ADGRV1: variants seen among roughly 807,000 people sequenced by gnomAD.
ADGRV1 encodes G-protein coupled receptor 98.
A neutral mutation model predicts 596.2 loss-of-function variants in ADGRV1; 359 were observed. The observed-to-expected ratio is 0.60, with a 90% CI of 0.55 to 0.66. The LOEUF is 0.66. Among genes scored for constraint, ADGRV1 ranks in the 30% least tolerant of loss-of-function variants. The pLI, the probability that ADGRV1 is intolerant of heterozygous loss-of-function variation, is 0.00. For synonymous variants in ADGRV1, 2,681 were observed against 2,679.2 expected (o/e 1.00, Z -0.02); for missense variants, 7,274 against 7,575.6 (o/e 0.96, Z 1.48).
intron 16 of ADGRV1, among the ~76,000 whole-genome samples, chr5:90,646,636 G>A (rs576251499): frequency 1.3e-5 from 2 of 152,080 alleles, no homozygotes; most frequent in East Asian, 1.9e-4. Context: ...TTTTGGTTTT[G>A]TTTATGAAAC....
At chr5:91,100,493 G>A (rs1390970505) in intron 86 of ADGRV1, among the ~76,000 whole-genome samples, 1 of 151,726 alleles carries the variant, frequency 6.6e-6, no homozygotes, top group Admixed American at 6.6e-5. Context: ...AAGGAAGCAG[G>A]GAGGGAGGAA....
intron 43 of ADGRV1, among the ~76,000 whole-genome samples, chr5:90,719,732 A>T (rs530791111): frequency 2.0e-5 from 3 of 152,238 alleles, no homozygotes; most frequent in Non-Finnish European, 4.4e-5. Context: ...GAGATTAATC[A>T]AGTTATGTAG....
chr5:91,044,832 A>G (rs914233758), intron 85 of ADGRV1, among the ~76,000 whole-genome samples: 3 of 152,206 alleles, frequency 2.0e-5, no homozygotes. Context: ...AAAAATGCAT[A>G]AAGTTCTGTT....
intron 83 of ADGRV1, among the ~76,000 whole-genome samples, chr5:90,930,446 ATGGTAATACTT>A (rs1448375203): frequency 6.6e-6 from 1 of 152,194 alleles, no homozygotes; most frequent in Non-Finnish European, 1.5e-5. Context: ...TAACGACCAA[ATGGTAATACTT>A]TTATTGCCTG....
intron 75 of ADGRV1, among the ~76,000 whole-genome samples, chr5:90,817,613 G>A (rs1763030036): frequency 6.6e-6 from 1 of 152,014 alleles, no homozygotes; most frequent in Non-Finnish European, 1.5e-5. Flanking sequence ...AAGGGATCCA[G>A]TTTCAGCTTT....
chr5:91,057,800 G>A (rs891509568), intron 85 of ADGRV1, among the ~76,000 whole-genome samples: 38 of 152,056 alleles, frequency 2.5e-4, no homozygotes, highest in African/African-American at 7.7e-4. Context: ...TCCTTCTAAC[G>A]GAATTAGTTG....
intron 83 of ADGRV1, among the ~76,000 whole-genome samples, chr5:90,893,621 A>G (rs1327808435): frequency 2.0e-5 from 3 of 152,244 alleles, no homozygotes; most frequent in Non-Finnish European, 4.4e-5. Context: ...CTGACTACAC[A>G]ATAGTTTTAC....
chr5:90,972,060 T>C (rs899169687), intron 84 of ADGRV1, among the ~76,000 whole-genome samples: 4 of 152,140 alleles, frequency 2.6e-5, no homozygotes, highest in Non-Finnish European at 4.4e-5. Flanking sequence ...TCCTAGTCTC[T>C]GATAAAACAG....
intron 48 of ADGRV1, 84 bp from the exon 49 acceptor site, chr5:90,728,585 G>A (rs1752106121): frequency 2.7e-6 from 3 of 1,098,160 alleles, no homozygotes; most frequent in Non-Finnish European, 4.0e-6. Flanking sequence ...GGATCCAAGA[G>A]AGTAAACATA....
At chr5:90,957,145 G>GA (rs1307742955) in intron 83 of ADGRV1, among the ~76,000 whole-genome samples, 1 of 152,028 alleles carries the variant, frequency 6.6e-6, no homozygotes, top group Non-Finnish European at 1.5e-5. Flanking sequence ...AATTAAGCAG[G>GA]AAAAAAGTCT....
intron 1 of ADGRV1, among the ~76,000 whole-genome samples, chr5:90,595,723 C>T (rs1325848617): frequency 3.7e-5 from 5 of 136,470 alleles, no homozygotes; most frequent in African/African-American, 5.7e-5. Flanking sequence ...TCCTCACTTC[C>T]CAGTAGGGGC....
intron 87 of ADGRV1, among the ~76,000 whole-genome samples, chr5:91,130,235 GA>G (rs11403279): frequency 1.0e-4 from 15 of 144,050 alleles, no homozygotes; most frequent in East Asian, 4.0e-4. Context: ...TTTCTAAATT[GA>G]AAAAAAAAAA....
intron 87 of ADGRV1, among the ~76,000 whole-genome samples, chr5:91,121,729 A>G (rs540375149): frequency 5.7e-4 from 87 of 152,176 alleles, no homozygotes; most frequent in African/African-American, 1.9e-3. Flanking sequence ...AGAAGATGAC[A>G]TCAGCCAAAT....
chr5:90,593,270 C>T (rs545021145), intron 1 of ADGRV1, among the ~76,000 whole-genome samples: 1 of 151,838 alleles, frequency 6.6e-6, no homozygotes. Flanking sequence ...ATTATGCAGC[C>T]ATAAAAAAGG....
chr5:90,957,255 T>G (rs1486528574), intron 83 of ADGRV1, among the ~76,000 whole-genome samples: 1 of 152,164 alleles, frequency 6.6e-6, no homozygotes, highest in East Asian at 1.9e-4. Flanking sequence ...ATTGCATATA[T>G]TATTTAAATA....
At chr5:90,574,578 A>G (rs1294750303) in intron 1 of ADGRV1, among the ~76,000 whole-genome samples, 1 of 152,170 alleles carries the variant, frequency 6.6e-6, no homozygotes, top group Non-Finnish European at 1.5e-5. Flanking sequence ...TAGATATAGA[A>G]TCATATCGGG....
intron 1 of ADGRV1, among the ~76,000 whole-genome samples, chr5:90,581,365 G>T (rs1268970253): frequency 6.6e-6 from 1 of 152,180 alleles, no homozygotes; most frequent in African/African-American, 2.4e-5. Context: ...CAGCTTTTCT[G>T]CTCTGATTTC....
intron 85 of ADGRV1, among the ~76,000 whole-genome samples, chr5:91,009,189 A>G (rs928806645): frequency 2.0e-5 from 3 of 152,154 alleles, no homozygotes; most frequent in African/African-American, 7.2e-5. Flanking sequence ...TTTCCTTTGT[A>G]TAGATATGAG....
At chr5:91,033,762 A>G (rs930645066) in intron 85 of ADGRV1, among the ~76,000 whole-genome samples, 1 of 152,178 alleles carries the variant, frequency 6.6e-6, no homozygotes, top group Non-Finnish European at 1.5e-5. Context: ...ATTTTGAGTT[A>G]CACTATAAAT....
Sources: gnomAD v4.1 joint callset for allele counts (sites outside exome capture counted in the v4.1 genomes callset) on GRCh38, gnomAD v4.1.1 for gene constraint, MANE v1.5 for transcripts, NCBI Gene and HGNC (gene_info 2026-07-23, HGNC 2026-07-21) for gene names.